CAP1: variants seen among roughly 807,000 people sequenced by gnomAD.
The protein encoded by CAP1 is cyclase associated actin cytoskeleton regulatory protein 1, also known as adenylyl cyclase-associated protein 1.
Under a neutral mutation model 58.2 loss-of-function variants are expected in CAP1, and 11 were observed. That is an observed-to-expected ratio of 0.19 (90% CI 0.12 to 0.31). The LOEUF is 0.31. CAP1 is among the 10% of genes least tolerant of loss of function. CAP1 has a pLI of 1.00. For synonymous variants in CAP1, 183 were observed against 213.8 expected, an observed-to-expected ratio of 0.86 and a Z score of 1.26; for missense variants, 423 against 587.5, an observed-to-expected ratio of 0.72 and a Z score of 2.89.
chr1:40,049,143 G>C (rs1646240399), intron 1 of CAP1, among the ~76,000 whole-genome samples: 1 of 147,396 alleles, frequency 6.8e-6, no homozygotes, highest in South Asian at 2.2e-4. Flanking sequence ...ATAAGAGTGT[G>C]AAGCAGCTTT....
At chr1:40,054,676 C>T (rs1312962061) in intron 1 of CAP1, among the ~76,000 whole-genome samples, 1 of 152,100 alleles carries the variant, frequency 6.6e-6, no homozygotes, top group Non-Finnish European at 1.5e-5. Flanking sequence ...GAATCTTGCT[C>T]TGTCACCCAG....
chr1:40,070,470 G>A lies in CAP1; in HGVS notation c.1158G>A (p.Val386=), dbSNP rs770796009. Residue 386 remains valine (V), a synonymous_variant, in exon 11 of 13, where the codon GTG becomes GTA. Coordinates refer to ENST00000372805, the MANE Select transcript of CAP1 (RefSeq NM_006367.4). ...TTGGCCTGGTATTCGATGACGTGGTGGGCATTGTGGAGATAATCAACAGTA... is the reference window on the plus strand; with the variant it reads ...TTGGCCTGGTATTCGATGACGTGGTAGGCATTGTGGAGATAATCAACAGTA... ...KKLGLVFDDV[V]GIVEIINSKD... The A allele has an allele frequency of 4.3e-6, 7 of 1,614,094 alleles. No individual in the cohort carries two copies. The South Asian group carries it at 4.4e-5, about 10-fold the overall frequency.
chr1:40,070,664 T>C (rs1317808365), intron 11 of CAP1, 152 bp downstream of exon 11: 8 of 911,238 alleles, frequency 8.8e-6, no homozygotes, highest in Non-Finnish European at 1.4e-5. Context: ...GGTTGGCTCT[T>C]CAAGCAAGTT....
intron 1 of CAP1, among the ~76,000 whole-genome samples, chr1:40,041,796 G>C (rs1645843977): frequency 6.6e-6 from 1 of 152,324 alleles, no homozygotes; most frequent in South Asian, 2.1e-4. Context: ...TGAGTGTTAG[G>C]AAAGAACAGG....
intron 1 of CAP1, 159 bp downstream of exon 1, chr1:40,040,960 C>T (rs548912422): frequency 6.5e-6 from 1 of 152,896 alleles, no homozygotes; most frequent in Non-Finnish European, 1.5e-5. Flanking sequence ...GGCGCGGTCT[C>T]TTGAGGTGGG....
intron 1 of CAP1, among the ~76,000 whole-genome samples, chr1:40,050,254 A>T (rs1646293598): frequency 6.6e-6 from 1 of 151,986 alleles, no homozygotes; most frequent in South Asian, 2.1e-4. Context: ...GGACAGGGAG[A>T]CTATTTTACC....
chr1:40,061,363 C>T lies in CAP1; in HGVS notation c.217-372C>T, dbSNP rs181965892. On this transcript the variant is annotated intron_variant, in intron 3 of 12. Transcript: ENST00000372805. ...TAGGCCTTTGCCTTTACTCCTGTCT[C>T]CAATTTTTGAGAAAAGAAAGGTGTT... Among the ~76,000 whole-genome samples, 308 of 152,238 alleles carry T rather than the reference C, an allele frequency of 2.0e-3. 1 individual carries two copies. The highest frequency in any genetic ancestry group is 7.2e-3 in the African/African-American group (300 of 41,532).
chr1:40,048,150 C>G (rs1396068750), intron 1 of CAP1, among the ~76,000 whole-genome samples: 42 of 152,086 alleles, frequency 2.8e-4, no homozygotes, highest in Admixed American at 2.7e-3. Flanking sequence ...TCCTGAGTAG[C>G]TGGGATTACA....
intron 7 of CAP1, among the ~76,000 whole-genome samples, chr1:40,066,836 A>G (rs1364539094): frequency 6.6e-6 from 1 of 152,256 alleles, no homozygotes; most frequent in Non-Finnish European, 1.5e-5. Flanking sequence ...GAGTAAATGT[A>G]GAGATTGGTC....
intron 1 of CAP1, among the ~76,000 whole-genome samples, chr1:40,047,302 A>T (rs1333493310): frequency 6.6e-6 from 1 of 152,238 alleles, no homozygotes; most frequent in Non-Finnish European, 1.5e-5. Context: ...TAACCTGATA[A>T]AAACAAAGTT....
chr1:40,051,615 G>T lies in CAP1; in HGVS notation c.-10-7722G>T, dbSNP rs142064137. On this transcript the variant is annotated intron_variant, in intron 1 of 12. Coordinates refer to ENST00000372805, the MANE Select transcript of CAP1 (RefSeq NM_006367.4). ...TTTTGAGATGGAGTCTCACTCTGTC[G>T]CCCAGGCTGGAGTGCAGTGGCGCGA... Among the ~76,000 whole-genome samples, 156 of 152,116 alleles carry T rather than the reference G, an allele frequency of 1.0e-3. 1 individual carries two copies. The highest frequency in any genetic ancestry group is 2.0e-3 in the Non-Finnish European group (136 of 67,976).
At chr1:40,061,701 T>C in intron 3 of CAP1, 34 bp from the exon 4 acceptor site, 1 of 1,562,824 alleles carries the variant, frequency 6.4e-7, no homozygotes, top group Non-Finnish European at 8.8e-7. Context: ...CTAGTTATAA[T>C]GTGTCATCAA....
Position 40,064,276 on chromosome 1 carries a change from T to G in CAP1, c.344T>G (p.Val115Gly). 6.2e-7 allele frequency: 1 copy of G among 1,614,160 alleles called. No individual in the cohort carries two copies. The highest frequency in any genetic ancestry group is 8.5e-7 in the Non-Finnish European group (1 of 1,179,998). ...CCCATCTCAGAGCAGATCAAAGAAG[T>G]GATAACCTTTCGGGAGAAGAACCGA... ...LAPISEQIKE[V>G]ITFREKNRGS... The change falls in exon 5 of 13, where the codon GTG (valine) becomes GGG (glycine). Residue 115 changes from valine (V) to glycine (G), a missense_variant. Val to Gly is a moderately radical substitution (Grantham distance 109). Transcript: ENST00000372805.
chr1:40,051,064 T>G (rs757688749), intron 1 of CAP1, among the ~76,000 whole-genome samples: 1 of 152,146 alleles, frequency 6.6e-6, no homozygotes, highest in Non-Finnish European at 1.5e-5. Flanking sequence ...CTCTTGCCTC[T>G]TCAAGATGCC....
intron 1 of CAP1, among the ~76,000 whole-genome samples, chr1:40,045,616 C>G (rs533599724): frequency 6.6e-6 from 1 of 152,024 alleles, no homozygotes; most frequent in African/African-American, 2.4e-5. Flanking sequence ...AGTGCAGTGG[C>G]GTGATCTTGG....
intron 1 of CAP1, among the ~76,000 whole-genome samples, chr1:40,048,488 C>T (rs912289248): frequency 1.3e-5 from 2 of 152,042 alleles, no homozygotes; most frequent in Non-Finnish European, 2.9e-5. Context: ...GTTAAAACCT[C>T]GTGATAAGAA....
chr1:40,053,437 G>C (rs1264394211), intron 1 of CAP1, among the ~76,000 whole-genome samples: 2 of 151,982 alleles, frequency 1.3e-5, no homozygotes, highest in Non-Finnish European at 2.9e-5. Flanking sequence ...TTACTCACTA[G>C]TTGTTTGACC....
chr1:40,069,025 A>C (rs1477068897), intron 8 of CAP1, among the ~76,000 whole-genome samples: 1 of 152,104 alleles, frequency 6.6e-6, no homozygotes, highest in Non-Finnish European at 1.5e-5. Flanking sequence ...GTAGAGACTA[A>C]AAATACACCA....
At chr1:40,043,874 C>A (rs1475679779) in intron 1 of CAP1, among the ~76,000 whole-genome samples, 10 of 147,906 alleles carry the variant, frequency 6.8e-5, no homozygotes, top group Admixed American at 1.3e-4. Context: ...GACTCTGTCT[C>A]AAAAAAAAAA....
Sources: allele counts gnomAD v4.1 joint callset (sites outside exome capture counted in the v4.1 genomes callset), GRCh38; gene constraint gnomAD v4.1.1; transcripts MANE v1.5; gene names NCBI Gene and HGNC (gene_info 2026-07-23, HGNC 2026-07-21).